The following HMBOX1 variants were observed in gnomAD, a reference collection of about 807,000 sequenced individuals.
HMBOX1 encodes homeobox-containing protein 1.
In HMBOX1, 14 loss-of-function variants were observed where a neutral mutation model predicts 54.5. That is an observed-to-expected ratio of 0.26 (90% CI 0.17 to 0.40). HMBOX1 has a LOEUF of 0.40. Ranked by LOEUF, HMBOX1 falls within the 10% of genes least tolerant of loss-of-function variation. The pLI is 1.00. For synonymous variants in HMBOX1, 160 were observed against 181.0 expected, an observed-to-expected ratio of 0.88 and a Z score of 0.93; for missense variants, 332 against 514.4, an observed-to-expected ratio of 0.65 and a Z score of 3.43.
intron 2 of HMBOX1, among the ~76,000 whole-genome samples, chr8:28,964,152 T>A (rs1019887714): frequency 6.6e-6 from 1 of 152,184 alleles, no homozygotes; most frequent in Non-Finnish European, 1.5e-5. Context: ...AATTTTAAAT[T>A]GAATATAAAA....
intron 8 of HMBOX1, chr8:29,048,665 C>T: frequency 3.4e-6 from 1 of 297,648 alleles, no homozygotes; most frequent in South Asian, 5.8e-5. Context: ...TTCTCATATG[C>T]TCTATAGAAC....
chr8:28,945,823 G>A lies in HMBOX1; in HGVS notation c.-57-17988G>A, dbSNP rs538695323. On this transcript the variant is annotated intron_variant, in intron 1 of 9. Coordinates refer to ENST00000287701, the MANE Select transcript of HMBOX1 (RefSeq NM_001135726.3). ...AAAGGTTTTTTTTTTTCCACTTTTTGAAGTAACTTTAATAAGATACAATTC... is the reference window on the plus strand; with the variant it reads ...AAAGGTTTTTTTTTTTCCACTTTTTAAAGTAACTTTAATAAGATACAATTC... Among the ~76,000 whole-genome samples the A allele has an allele frequency of 5.7e-4, 86 of 150,100 alleles. 1 individual carries two copies. In the South Asian group the frequency reaches 0.017, roughly 29 times the overall value.
At chr8:28,954,330 A>G (rs1215451455) in intron 1 of HMBOX1, among the ~76,000 whole-genome samples, 1 of 152,042 alleles carries the variant, frequency 6.6e-6, no homozygotes, top group African/African-American at 2.4e-5. Context: ...TTGGGGGATT[A>G]TTTTTTATTA....
At chr8:28,895,035 C>T (rs1043210818) in intron 1 of HMBOX1, among the ~76,000 whole-genome samples, 2 of 151,814 alleles carry the variant, frequency 1.3e-5, no homozygotes, top group African/African-American at 4.8e-5. Context: ...ACACTAGACT[C>T]CTTCCTGTTA....
chr8:28,914,143 C>T (rs1343547036), intron 1 of HMBOX1, among the ~76,000 whole-genome samples: 1 of 152,154 alleles, frequency 6.6e-6, no homozygotes, highest in Non-Finnish European at 1.5e-5. Context: ...GCTGGGATTA[C>T]AGGCGTGAGC....
chr8:28,934,622 C>G (rs1418489360), intron 1 of HMBOX1, among the ~76,000 whole-genome samples: 4 of 152,126 alleles, frequency 2.6e-5, no homozygotes, highest in Non-Finnish European at 5.9e-5. Flanking sequence ...TCACAGGATA[C>G]ATGAAATAAT....
chr8:28,943,016 T>A (rs1821729239), intron 1 of HMBOX1, among the ~76,000 whole-genome samples: 1 of 152,218 alleles, frequency 6.6e-6, no homozygotes, highest in African/African-American at 2.4e-5. Flanking sequence ...AGACTCCTGC[T>A]TTTTGTGAAC....
At chr8:28,951,304 T>C (rs2132124949) in intron 1 of HMBOX1, among the ~76,000 whole-genome samples, 1 of 152,280 alleles carries the variant, frequency 6.6e-6, no homozygotes, top group East Asian at 1.9e-4. Context: ...AGCTAATTTT[T>C]ACATTCTTAG....
chr8:28,960,330 A>C (rs1042295770), intron 1 of HMBOX1, among the ~76,000 whole-genome samples: 1 of 147,492 alleles, frequency 6.8e-6, no homozygotes, highest in African/African-American at 2.7e-5. Flanking sequence ...TCTTTGATCC[A>C]AGGGTTATTT....
At chr8:28,929,072 A>G (rs1394112578) in intron 1 of HMBOX1, among the ~76,000 whole-genome samples, 3 of 152,200 alleles carry the variant, frequency 2.0e-5, no homozygotes, top group South Asian at 2.1e-4. Context: ...TCATTTCACA[A>G]TGTATACATA....
intron 1 of HMBOX1, among the ~76,000 whole-genome samples, chr8:28,918,716 A>G (rs1444137543): frequency 5.3e-5 from 8 of 152,334 alleles, no homozygotes; most frequent in African/African-American, 1.9e-4. Context: ...TACCACCAGC[A>G]CGCCGAGTTT....
chr8:29,026,658 A>G (rs1277443103), intron 6 of HMBOX1, among the ~76,000 whole-genome samples: 1 of 152,200 alleles, frequency 6.6e-6, no homozygotes, highest in Non-Finnish European at 1.5e-5. Context: ...AGGCTCAAAG[A>G]GGTTGAATAA....
At chr8:28,927,378 GAA>G (rs1483611428) in intron 1 of HMBOX1, among the ~76,000 whole-genome samples, 1 of 152,176 alleles carries the variant, frequency 6.6e-6, no homozygotes, top group Non-Finnish European at 1.5e-5. Context: ...AATTTACAAA[GAA>G]GAGAGGTTTA....
intron 4 of HMBOX1, among the ~76,000 whole-genome samples, chr8:28,992,248 A>T (rs1831084041): frequency 6.6e-6 from 1 of 152,226 alleles, no homozygotes. Flanking sequence ...AATGGAAAGA[A>T]TAACAACAGT....
At chr8:28,960,758 T>TTTTTTTTTTG (rs1825363533) in intron 1 of HMBOX1, among the ~76,000 whole-genome samples, 1 of 22,304 alleles carries the variant, frequency 4.5e-5, no homozygotes, top group African/African-American at 1.5e-4. Flanking sequence ...TTTTTCTTTT[T>TTTTTTTTTTG]CTTTTTCTTT....
intron 1 of HMBOX1, among the ~76,000 whole-genome samples, chr8:28,913,553 A>G (rs546534373): frequency 6.6e-6 from 1 of 152,096 alleles, no homozygotes; most frequent in South Asian, 2.1e-4. Flanking sequence ...CTTCTGGAAT[A>G]CTCTGTACTT....
intron 1 of HMBOX1, among the ~76,000 whole-genome samples, chr8:28,899,098 G>T (rs1812715732): frequency 6.6e-6 from 1 of 152,188 alleles, no homozygotes; most frequent in African/African-American, 2.4e-5. Flanking sequence ...TTTAAGATTT[G>T]CTTTTTATTC....
At chr8:28,971,205 G>A (rs1310191250) in intron 3 of HMBOX1, among the ~76,000 whole-genome samples, 1 of 146,146 alleles carries the variant, frequency 6.8e-6, no homozygotes, top group Non-Finnish European at 1.5e-5. Context: ...CGATTCTCTT[G>A]TCTCAGCCTC....
At chr8:29,025,488 G>GTTA (rs2133094063) in intron 6 of HMBOX1, among the ~76,000 whole-genome samples, 2 of 152,306 alleles carry the variant, frequency 1.3e-5, no homozygotes, top group Admixed American at 1.3e-4. Flanking sequence ...TATGAGAAGA[G>GTTA]TTATGAGAAT....
Sources: allele counts gnomAD v4.1 joint callset (sites outside exome capture counted in the v4.1 genomes callset), GRCh38; gene constraint gnomAD v4.1.1; transcripts MANE v1.5; gene names NCBI Gene and HGNC (gene_info 2026-07-23, HGNC 2026-07-21).